The following FBP1 variants were observed in gnomAD, a reference collection of about 807,000 sequenced individuals.
FBP1 encodes the protein fructose-1,6-bisphosphatase 1.
A neutral mutation model predicts 29.9 loss-of-function variants in FBP1; 22 were observed. The observed-to-expected ratio is 0.74, with a 90% CI of 0.53 to 1.05. The LOEUF is 1.05. FBP1 is among the 50% of genes least tolerant of loss of function. The pLI, the probability that FBP1 is intolerant of heterozygous loss-of-function variation, is 0.00. For missense variants in FBP1, 345 were observed against 448.2 expected (o/e 0.77, Z 2.08); for synonymous variants, 175 against 178.6 (o/e 0.98, Z 0.16).
intron 1 of FBP1, among the ~76,000 whole-genome samples, chr9:94,625,809 G>A (rs748786393): frequency 3.3e-5 from 5 of 151,346 alleles, no homozygotes; most frequent in East Asian, 2.0e-4. Flanking sequence ...AAAGAATGAC[G>A]GAGCTGCCCG....
intron 1 of FBP1, among the ~76,000 whole-genome samples, chr9:94,634,016 G>A (rs943495355): frequency 4.0e-5 from 6 of 150,464 alleles, no homozygotes; most frequent in African/African-American, 1.2e-4. Flanking sequence ...CTTTCAGACC[G>A]GGCGCAGTGG....
rs1319689262 is a variant in FBP1 at position 94,605,516 on chromosome 9, T to C, written c.766A>G (p.Thr256Ala). ...VGSMVADVHRTLVYGGIFLYP... is the reference protein window; with the variant it reads ...VGSMVADVHRALVYGGIFLYP... ...AGAAATATCCCTCCGTAGACCAGAGTGCGATGAACATCAGCCACCATGGAG... is the reference window on the plus strand; with the variant it reads ...AGAAATATCCCTCCGTAGACCAGAGCGCGATGAACATCAGCCACCATGGAG... The change falls in exon 6 of 7, where the codon ACT (threonine) becomes GCT (alanine). Residue 256 changes from threonine (T) to alanine (A), a missense_variant. Physicochemically the swap from Thr to Ala is moderately conservative, Grantham distance 58. Coordinates refer to ENST00000375326, the MANE Select transcript of FBP1 (RefSeq NM_000507.4). 1 of 1,613,804 alleles carries C rather than the reference T, an allele frequency of 6.2e-7. No homozygotes were observed. Among genetic ancestry groups the C allele is most frequent in the African/African-American group, 1.3e-5 (1 of 74,962 alleles).
rs945416489 is a variant in FBP1, at chr9:94,639,374, G to A, written c.-64C>T. On this transcript the variant is annotated 5_prime_UTR_variant, in exon 1 of 7. Transcript: ENST00000375326. ...GGCAGGTGCGGGGCTGCAGGTGCGG[G>A]CGGCAAGAGAGGGCAGTAGGCACTG... 6 of 1,552,062 alleles carry A rather than the reference G, an allele frequency of 3.9e-6. No homozygotes were observed. Among genetic ancestry groups the A allele is most frequent in the Non-Finnish European group, 5.2e-6 (6 of 1,144,970 alleles).
intron 3 of FBP1, among the ~76,000 whole-genome samples, 188 bp downstream of exon 3, chr9:94,617,580 C>G (rs899475503): frequency 6.6e-6 from 1 of 152,184 alleles, no homozygotes; most frequent in Admixed American, 6.6e-5. Flanking sequence ...CCTATATTCT[C>G]TTTCAACAAT....
intron 6 of FBP1, among the ~76,000 whole-genome samples, chr9:94,604,502 A>G (rs1266759111): frequency 8.0e-6 from 1 of 125,416 alleles, no homozygotes; most frequent in Non-Finnish European, 1.7e-5. Flanking sequence ...AAAAAAAGGC[A>G]GCCACGCGTG....
intron 3 of FBP1, among the ~76,000 whole-genome samples, chr9:94,614,721 A>G (rs1827837542): frequency 6.6e-6 from 1 of 152,138 alleles, no homozygotes; most frequent in African/African-American, 2.4e-5. Flanking sequence ...GTGCGATTCT[A>G]GCCAACAATC....
intron 3 of FBP1, 54 bp from the exon 4 acceptor site, chr9:94,610,115 T>C: frequency 1.3e-6 from 2 of 1,576,812 alleles, no homozygotes; most frequent in Non-Finnish European, 1.7e-6. Context: ...TGATTCTTTT[T>C]TACAGTTCAA....
chr9:94,638,663 T>C (rs1828234770), intron 1 of FBP1, among the ~76,000 whole-genome samples: 1 of 152,148 alleles, frequency 6.6e-6, no homozygotes, highest in Admixed American at 6.5e-5. Flanking sequence ...TAACAGGTCT[T>C]GTTTCAGGTC....
intron 1 of FBP1, among the ~76,000 whole-genome samples, chr9:94,630,772 T>G (rs1828093520): frequency 6.6e-6 from 1 of 152,194 alleles, no homozygotes; most frequent in Non-Finnish European, 1.5e-5. Flanking sequence ...AATTCTGCCT[T>G]TGCTTCTTAC....
intron 2 of FBP1, among the ~76,000 whole-genome samples, chr9:94,619,158 C>A (rs1827905583): frequency 6.6e-6 from 1 of 152,122 alleles, no homozygotes. Flanking sequence ...CAAATCTAAG[C>A]CATACGCCTA....
intron 3 of FBP1, among the ~76,000 whole-genome samples, chr9:94,616,767 G>C (rs186698025): frequency 3.0e-3 from 458 of 152,282 alleles, no homozygotes; most frequent in Non-Finnish European, 5.6e-3. Context: ...AACAAAACAA[G>C]AGCTAAAGCT....
At chr9:94,612,425 C>T (rs1018903427) in intron 3 of FBP1, among the ~76,000 whole-genome samples, 1 of 152,174 alleles carries the variant, frequency 6.6e-6, no homozygotes, top group African/African-American at 2.4e-5. Context: ...TACATTTATA[C>T]ACTTCCTCGC....
chr9:94,628,994 T>G (rs902290326), intron 1 of FBP1, among the ~76,000 whole-genome samples: 1 of 152,240 alleles, frequency 6.6e-6, no homozygotes, highest in Non-Finnish European at 1.5e-5. Flanking sequence ...GTTTTTTGTT[T>G]GTTTTGAGAC....
intron 1 of FBP1, among the ~76,000 whole-genome samples, chr9:94,636,660 A>C (rs900011441): frequency 6.6e-6 from 1 of 151,750 alleles, no homozygotes; most frequent in Non-Finnish European, 1.5e-5. Context: ...GTACTGACAC[A>C]TTTTTTAAAC....
intron 3 of FBP1, among the ~76,000 whole-genome samples, chr9:94,613,973 C>T (rs1332184023): frequency 2.0e-5 from 3 of 149,180 alleles, no homozygotes; most frequent in Non-Finnish European, 4.5e-5. Context: ...CCCAGCTACT[C>T]GGGAGGCTGA....
chr9:94,634,962 G>A (rs566832192), intron 1 of FBP1, among the ~76,000 whole-genome samples: 57 of 152,018 alleles, frequency 3.7e-4, no homozygotes, highest in African/African-American at 7.0e-4. Flanking sequence ...GGTAGTGTAC[G>A]CCTGTAATCT....
chr9:94,634,679 A>T (rs536832469), intron 1 of FBP1, among the ~76,000 whole-genome samples: 1 of 152,372 alleles, frequency 6.6e-6, no homozygotes, highest in South Asian at 2.1e-4. Flanking sequence ...GGAGGGAGCC[A>T]GAAGCCCAGA....
chr9:94,609,774 C>T, intron 4 of FBP1, 147 bp downstream of exon 4: 1 of 909,544 alleles, frequency 1.1e-6, no homozygotes, highest in Non-Finnish European at 1.8e-6. Flanking sequence ...TCTTGGTCTC[C>T]TGCCCCCTTT....
At chr9:94,634,526 C>T (rs1447724508) in intron 1 of FBP1, among the ~76,000 whole-genome samples, 1 of 152,178 alleles carries the variant, frequency 6.6e-6, no homozygotes, top group Non-Finnish European at 1.5e-5. Flanking sequence ...AACAAAAAAC[C>T]TGAAGCCACT....
Sources: gnomAD v4.1 joint callset for allele counts (sites outside exome capture counted in the v4.1 genomes callset) on GRCh38, gnomAD v4.1.1 for gene constraint, MANE v1.5 for transcripts, NCBI Gene and HGNC (gene_info 2026-07-23, HGNC 2026-07-21) for gene names.